SEC14L1: variants seen among roughly 807,000 people sequenced by gnomAD.
SEC14L1 encodes the protein SEC14 like lipid binding 1.
SEC14L1 carries 48 observed loss-of-function variants against 85.3 expected under a neutral mutation model. That is an observed-to-expected ratio of 0.56 (90% CI 0.45 to 0.72). The LOEUF is 0.72. Ranked by LOEUF, SEC14L1 falls within the 30% of genes least tolerant of loss-of-function variation. The pLI, the probability that SEC14L1 is intolerant of heterozygous loss-of-function variation, is 0.00. For missense variants in SEC14L1, 682 were observed against 921.4 expected (o/e 0.74, Z 3.36); for synonymous variants, 391 against 355.5 (o/e 1.10, Z -1.12).
At chr17:77,203,505 T>C (rs1224615236) in intron 9 of SEC14L1, 65 bp from the exon 10 acceptor site, 1 of 1,383,908 alleles carries the variant, frequency 7.2e-7, no homozygotes. Context: ...TTAAGGGTCT[T>C]AGAGTTGTAT....
chr17:77,144,749 A>T (rs959665878), intron 3 of SEC14L1: 2 of 152,156 alleles, frequency 1.3e-5, no homozygotes, highest in African/African-American at 4.8e-5. Context: ...AATAGCTGGG[A>T]TTACAGACCT....
intron 14 of SEC14L1, chr17:77,210,324 C>G (rs1322499856): frequency 6.6e-6 from 1 of 152,322 alleles, no homozygotes; most frequent in Non-Finnish European, 1.5e-5. Flanking sequence ...CCTGTAGCAT[C>G]ACGAGTGACC....
intron 3 of SEC14L1, chr17:77,130,192 G>A (rs1247135409): frequency 7.2e-5 from 11 of 152,178 alleles, no homozygotes. Context: ...GTGACACGAG[G>A]TACAGTGCTG....
Position 77,213,837 on chromosome 17 carries a change from A to T in SEC14L1, c.2043-81A>T. 1 of 1,550,680 alleles carries T rather than the reference A, an allele frequency of 6.4e-7. No homozygotes were observed. The highest frequency in any genetic ancestry group is 1.1e-5 in the South Asian group (1 of 89,720). ...AAGTGAGCAGAGAACAGGGTGGGCC[A>T]CGAAGTCCAGCAGGCAGTGTGGGCC... is the stretch of plus-strand genomic sequence containing the variant. On this transcript the variant is annotated intron_variant, in intron 16 of 16. Transcript: ENST00000436233. The surrounding 1 kb of genome is among the most constrained non-coding windows in gnomAD (Gnocchi z 7.1).
chr17:77,213,877 A>C lies in SEC14L1; in HGVS notation c.2043-41A>C. ...CAGTGTGGGCCGGCGGGTGGTTGGC[A>C]GGGTGGTCCTCACGCCTCGCCCCTC... On this transcript the variant is annotated intron_variant, in intron 16 of 16. Transcript: ENST00000436233. The surrounding 1 kb of genome is among the most constrained non-coding windows in gnomAD (Gnocchi z 7.1). The C allele has an allele frequency of 6.2e-7, 1 of 1,608,030 alleles. No individual in the cohort carries two copies. Among genetic ancestry groups the C allele is most frequent in the Admixed American group, 1.7e-5 (1 of 59,872 alleles).
At chr17:77,199,059 GC>G (rs1975974883) in intron 8 of SEC14L1, 1 of 142,616 alleles carries the variant, frequency 7.0e-6, no homozygotes, top group Non-Finnish European at 1.5e-5. Context: ...AGGCTGAAGT[GC>G]AGTGGCGCGA....
At chr17:77,106,907 C>A (rs916232196) in intron 3 of SEC14L1, among the ~76,000 whole-genome samples, 4 of 152,190 alleles carry the variant, frequency 2.6e-5, no homozygotes, top group Admixed American at 2.0e-4. Context: ...TCTCCAGCCC[C>A]GGGCTTTTCT....
intron 10 of SEC14L1, 75 bp from the exon 11 acceptor site, chr17:77,205,201 C>A: frequency 8.0e-7 from 1 of 1,257,526 alleles, no homozygotes; most frequent in Non-Finnish European, 1.2e-6. Flanking sequence ...TGTTAGTGTC[C>A]CTCTTCCATA....
chr17:77,201,305 C>T (rs975004568), intron 9 of SEC14L1, among the ~76,000 whole-genome samples: 2 of 152,202 alleles, frequency 1.3e-5, no homozygotes, highest in African/African-American at 2.4e-5. Flanking sequence ...GAATTGGAAA[C>T]GTCGGCGAGA....
intron 3 of SEC14L1, among the ~76,000 whole-genome samples, chr17:77,120,624 G>A (rs997228243): frequency 6.6e-5 from 10 of 152,056 alleles, no homozygotes; most frequent in Admixed American, 5.9e-4. Flanking sequence ...TTACAGGTGC[G>A]TGCCACCACG....
At chr17:77,140,342 C>CCACCCGGGCT (rs1193138926), upstream of SEC14L1, among the ~76,000 whole-genome samples, 7 of 152,240 alleles carry the variant, frequency 4.6e-5, no homozygotes, top group African/African-American at 1.7e-4. Flanking sequence ...CCGCTGGGCT[C>CCACCCGGGCT]CACCCGGGCT....
upstream of SEC14L1, among the ~76,000 whole-genome samples, chr17:77,137,547 T>G (rs1382411312): frequency 1.3e-5 from 2 of 152,196 alleles, no homozygotes; most frequent in Non-Finnish European, 2.9e-5. Context: ...CCTCCAACAC[T>G]GTGGATTACA....
intron 3 of SEC14L1, among the ~76,000 whole-genome samples, chr17:77,166,188 A>C (rs981048799): frequency 6.6e-6 from 1 of 152,142 alleles, no homozygotes; most frequent in Non-Finnish European, 1.5e-5. Flanking sequence ...TGATCCTCCC[A>C]CCTTGGCCTC....
At chr17:77,203,796 C>A in intron 10 of SEC14L1, 138 bp downstream of exon 10, 2 of 646,384 alleles carry the variant, frequency 3.1e-6, no homozygotes, top group East Asian at 3.0e-5. Flanking sequence ...ATATTAATAT[C>A]GTCTTAAAAT....
chr17:77,122,901 C>G, intron 3 of SEC14L1, among the ~76,000 whole-genome samples: 1 of 152,112 alleles, frequency 6.6e-6, no homozygotes, highest in East Asian at 1.9e-4. Context: ...TCTGCAGCAG[C>G]CTGAGAATCA....
chr17:77,174,660 T>C (rs998901502), intron 3 of SEC14L1, among the ~76,000 whole-genome samples: 1 of 152,130 alleles, frequency 6.6e-6, no homozygotes, highest in Non-Finnish European at 1.5e-5. Context: ...AACGAGGCAG[T>C]GGGACCTGTC....
chr17:77,096,791 G>T (rs1407583462), intron 3 of SEC14L1, among the ~76,000 whole-genome samples: 1 of 152,120 alleles, frequency 6.6e-6, no homozygotes, highest in East Asian at 1.9e-4. Flanking sequence ...TATGTCTGTT[G>T]TAACTTGGTA....
At chr17:77,110,472 G>T (rs755237290) in intron 3 of SEC14L1, among the ~76,000 whole-genome samples, 35 of 152,140 alleles carry the variant, frequency 2.3e-4, no homozygotes, top group Admixed American at 3.3e-4. Flanking sequence ...AGTGACCATG[G>T]CCAGAGACAC....
At position 77,211,930 on chromosome 17, in the gene SEC14L1, T is replaced by C. The variant is rs758124666; in HGVS notation, c.1612-20T>C. On this transcript the variant is annotated intron_variant, in intron 14 of 16. Coordinates refer to ENST00000436233, the MANE Select transcript of SEC14L1 (RefSeq NM_001143998.2). Reference sequence around the variant, plus strand: ...CTGGTGCTCGTGGATCGTGGCTGCCTAACGCTGCCTCTTTTTCAGATTCTC... The same window carrying C: ...CTGGTGCTCGTGGATCGTGGCTGCCCAACGCTGCCTCTTTTTCAGATTCTC... 3.1e-6 allele frequency: 5 copies of C among 1,611,546 alleles called. No homozygotes were observed. In the South Asian group the frequency reaches 5.5e-5, roughly 18 times the overall value.
Sources: gnomAD v4.1 joint callset for allele counts (sites outside exome capture counted in the v4.1 genomes callset) on GRCh38, gnomAD v4.1.1 for gene constraint, Gnocchi (gnomAD v3.1) non-coding constraint, MANE v1.5 for transcripts, NCBI Gene and HGNC (gene_info 2026-07-23, HGNC 2026-07-21) for gene names.